Variants in FRMPD3 observed in about 807,000 individuals in gnomAD.
The protein encoded by FRMPD3 is FERM and PDZ domain containing 3.
A neutral mutation model predicts 97.9 loss-of-function variants in FRMPD3; 42 were observed. The ratio of observed to expected loss-of-function variants is 0.43; its 90% CI spans 0.34 to 0.55. The LOEUF is 0.55. Among genes scored for constraint, FRMPD3 ranks in the 20% least tolerant of loss-of-function variants. The pLI is 0.03. For missense variants in FRMPD3, 1,303 were observed against 1,457.7 expected, an observed-to-expected ratio of 0.89 and a Z score of 1.73; for synonymous variants, 577 against 581.1, an observed-to-expected ratio of 0.99 and a Z score of 0.10.
At chrX:107,585,623 C>A (rs1330203935) in intron 13 of FRMPD3, among the ~76,000 whole-genome samples, 1 of 111,641 alleles carries the variant, frequency 9.0e-6, no homozygotes, top group Non-Finnish European at 1.9e-5. Context: ...CCATCAATAC[C>A]TAGTCTGTTG....
chrX:107,539,325 T>C (rs1041114878), intron 4 of FRMPD3, among the ~76,000 whole-genome samples: 1 of 112,163 alleles, frequency 8.9e-6, no homozygotes, highest in Non-Finnish European at 1.9e-5. Flanking sequence ...TCTGTGTACT[T>C]AAGGGTATTC....
chrX:107,547,640 G>C (rs1921676489), intron 5 of FRMPD3, among the ~76,000 whole-genome samples: 1 of 111,353 alleles, frequency 9.0e-6, no homozygotes, highest in South Asian at 3.8e-4. Flanking sequence ...ATTACCTGGT[G>C]TTACAACATC....
chrX:107,602,733 T>A lies in FRMPD3; in HGVS notation c.4694T>A (p.Leu1565His). 1 of 1,209,371 alleles carries A rather than the reference T, an allele frequency of 8.3e-7. No individual in the cohort carries two copies. Among genetic ancestry groups the A allele is most frequent in the Non-Finnish European group, 1.1e-6 (1 of 895,116 alleles). The part of the protein sequence containing the change: ...PEASRTQEID[L>H]RVSTFEGSLA... ...GCCTCCCGCACTCAGGAGATTGACC[T>A]CCGTGTGTCCACCTTCGAGGGGAGC... is the stretch of plus-strand genomic sequence containing the variant. The change falls in exon 15 of 15, where the codon CTC becomes CAC. Residue 1565 changes from leucine (L) to histidine (H), a missense_variant. Around this residue, in one of 3 missense-constraint regions of FRMPD3, gnomAD observed 764 missense variants for 820.2 expected, o/e 0.93. Transcript: ENST00000683843.
At chrX:107,474,935 A>G (rs746980701) in intron 1 of FRMPD3, among the ~76,000 whole-genome samples, 2 of 112,161 alleles carry the variant, frequency 1.8e-5, no homozygotes, top group South Asian at 3.8e-4. Context: ...GGACAAATGG[A>G]CTAAATGAAG....
intron 12 of FRMPD3, among the ~76,000 whole-genome samples, chrX:107,572,440 A>G (rs1390451514): frequency 8.9e-6 from 1 of 111,814 alleles, no homozygotes; most frequent in Non-Finnish European, 1.9e-5. Context: ...GTGATGAGCT[A>G]TTGAAGATTT....
intron 1 of FRMPD3, among the ~76,000 whole-genome samples, chrX:107,524,847 G>A (rs1356539264): frequency 6.4e-5 from 7 of 109,614 alleles, no homozygotes; most frequent in African/African-American, 2.3e-4. Context: ...ATAAAAATTA[G>A]CCAGGCAGGG....
At chrX:107,580,223 G>T (rs1346414941) in intron 13 of FRMPD3, among the ~76,000 whole-genome samples, 6 of 112,290 alleles carry the variant, frequency 5.3e-5, no homozygotes, top group African/African-American at 1.9e-4. Flanking sequence ...GAGTGACTGA[G>T]TACAGAGGGA....
chrX:107,483,182 G>C (rs1283852561), intron 1 of FRMPD3, among the ~76,000 whole-genome samples: 2 of 112,216 alleles, frequency 1.8e-5, no homozygotes, highest in African/African-American at 6.5e-5. Context: ...TCAGCCAAGA[G>C]GGTTAAGTAG....
chrX:107,481,826 A>AG (rs1464328805), intron 1 of FRMPD3, among the ~76,000 whole-genome samples: 1 of 112,597 alleles, frequency 8.9e-6, no homozygotes, highest in Non-Finnish European at 1.9e-5. Flanking sequence ...GCTGTAAGCA[A>AG]GGGTTAATGC....
At chrX:107,540,903 C>T (rs1211101473) in intron 4 of FRMPD3, among the ~76,000 whole-genome samples, 2 of 112,422 alleles carry the variant, frequency 1.8e-5, no homozygotes, top group East Asian at 2.8e-4. Context: ...TCATCAGGCA[C>T]GTTTTAAAAA....
intron 4 of FRMPD3, among the ~76,000 whole-genome samples, chrX:107,535,544 G>A (rs1218372377): frequency 9.1e-6 from 1 of 109,411 alleles, no homozygotes; most frequent in Admixed American, 9.8e-5. Flanking sequence ...ATGGTGGAAC[G>A]CACCTGTAGT....
chrX:107,531,721 C>A (rs774355636), intron 3 of FRMPD3, among the ~76,000 whole-genome samples: 2 of 111,639 alleles, frequency 1.8e-5, no homozygotes, highest in Non-Finnish European at 3.8e-5. Context: ...ACCCTCCACC[C>A]TCCACCCTCT....
At chrX:107,504,553 A>G (rs1921984920) in intron 1 of FRMPD3, among the ~76,000 whole-genome samples, 1 of 112,149 alleles carries the variant, frequency 8.9e-6, no homozygotes, top group Non-Finnish European at 1.9e-5. Flanking sequence ...TCTTGAAGCT[A>G]TGTTTGCATA....
Position 107,451,944 on chromosome X carries a change from A to G in FRMPD3, c.-8+1939A>G, listed in dbSNP as rs772021565. ...CTCCTGCCCCTCCCGTCGGCTGCTC[A>G]GGGCTCCTCTGGGTCCTCTCCCCCG... On this transcript the variant is annotated intron_variant, in intron 1 of 14. Coordinates refer to ENST00000683843, the MANE Select transcript of FRMPD3 (RefSeq NM_001388459.1). Among the ~76,000 whole-genome samples, 10 of 111,656 alleles carry G rather than the reference A, an allele frequency of 9.0e-5. No individual in the cohort carries two copies. The South Asian group carries it at 3.8e-3, about 43-fold the overall frequency.
At chrX:107,509,429 C>T (rs1922114455) in intron 1 of FRMPD3, among the ~76,000 whole-genome samples, 1 of 111,306 alleles carries the variant, frequency 9.0e-6, no homozygotes, top group Non-Finnish European at 1.9e-5. Flanking sequence ...GGGCTGTGCC[C>T]CGGTTGTCTC....
At chrX:107,460,576 G>A (rs916409890) in intron 1 of FRMPD3, among the ~76,000 whole-genome samples, 3 of 110,769 alleles carry the variant, frequency 2.7e-5, no homozygotes, top group Non-Finnish European at 5.7e-5. Context: ...ATGTTTTGTA[G>A]ATATGAGCTC....
intron 12 of FRMPD3, among the ~76,000 whole-genome samples, chrX:107,572,801 T>G (rs1922942592): frequency 1.8e-5 from 2 of 108,824 alleles, no homozygotes; most frequent in South Asian, 8.1e-4. Flanking sequence ...TCTCAGCACT[T>G]TGGGAGGCTG....
intron 7 of FRMPD3, 43 bp downstream of exon 7, chrX:107,552,969 A>G: frequency 8.6e-7 from 1 of 1,164,321 alleles, no homozygotes; most frequent in Non-Finnish European, 1.2e-6. Flanking sequence ...TGTGGCCTCT[A>G]GTAGAGAAGA....
chrX:107,492,165 G>T (rs377448845), intron 1 of FRMPD3, among the ~76,000 whole-genome samples: 3 of 111,866 alleles, frequency 2.7e-5, no homozygotes, highest in East Asian at 5.6e-4. Context: ...CCACATTAAG[G>T]TTGTAAAGCA....
Sources: gnomAD v4.1 joint callset for allele counts (sites outside exome capture counted in the v4.1 genomes callset) on GRCh38, gnomAD v4.1.1 for gene constraint, gnomAD v4.1.1 regional missense constraint, MANE v1.5 for transcripts, NCBI Gene and HGNC (gene_info 2026-07-23, HGNC 2026-07-21) for gene names.